Variants in DLGAP2 observed in about 807,000 individuals in gnomAD.
The protein encoded by DLGAP2 is DLG associated protein 2.
Under a neutral mutation model 100.3 loss-of-function variants are expected in DLGAP2, and 26 were observed. The observed-to-expected ratio is 0.26, with a 90% CI of 0.19 to 0.36. The LOEUF (loss-of-function observed/expected upper bound fraction) is 0.36, where lower values mean the gene tolerates loss of function less well. Ranked by LOEUF, DLGAP2 falls within the 10% of genes least tolerant of loss-of-function variation. The probability of loss-of-function intolerance (pLI) is 1.00; values close to 1 mark genes in which losing one functional copy is unlikely to be tolerated. For synonymous variants in DLGAP2, 886 were observed against 630.1 expected (o/e 1.41, Z -6.08); for missense variants, 1,858 against 1,453.2 (o/e 1.28, Z -4.53).
intron 2 of DLGAP2, among the ~76,000 whole-genome samples, chr8:1,001,237 A>T (rs191935998): frequency 1.3e-3 from 193 of 152,332 alleles, no homozygotes; most frequent in Non-Finnish European, 2.4e-3. Context: ...TGATCAGGAC[A>T]GGGTTGTACT....
At chr8:1,512,546 C>G (rs1800203471) in intron 4 of DLGAP2, among the ~76,000 whole-genome samples, 3 of 152,140 alleles carry the variant, frequency 2.0e-5, no homozygotes, top group Non-Finnish European at 2.9e-5. Context: ...GACTGACGCA[C>G]TCCCCCGAGA....
chr8:1,056,040 G>C (rs1026735250), intron 2 of DLGAP2, among the ~76,000 whole-genome samples: 1 of 152,238 alleles, frequency 6.6e-6, no homozygotes, highest in African/African-American at 2.4e-5. Context: ...AGAGCAGAGA[G>C]GGCTTGGTAG....
At chr8:1,164,343 CG>C (rs1563224530) in intron 2 of DLGAP2, among the ~76,000 whole-genome samples, 8 of 128,946 alleles carry the variant, frequency 6.2e-5, no homozygotes, top group Non-Finnish European at 5.4e-5. Context: ...TCTGTGAGCC[CG>C]CAGGGCCCGT....
chr8:1,225,926 G>A (rs1328597023), intron 2 of DLGAP2, among the ~76,000 whole-genome samples: 1 of 152,030 alleles, frequency 6.6e-6, no homozygotes, highest in East Asian at 1.9e-4. Context: ...CATGCTGTAT[G>A]CTGTAAATAT....
At chr8:1,161,612 C>T (rs62487488) in intron 2 of DLGAP2, among the ~76,000 whole-genome samples, 22,749 of 152,094 alleles carry the variant, frequency 0.15, 1,989 homozygotes, top group African/African-American at 0.23. Flanking sequence ...TGATGAGACT[C>T]GGCCCTGGAG....
intron 1 of DLGAP2, among the ~76,000 whole-genome samples, chr8:899,446 T>G (rs1563085840): frequency 1.3e-5 from 2 of 152,222 alleles, no homozygotes; most frequent in African/African-American, 2.4e-5. Context: ...CGGCCCTGCA[T>G]GCAGAGGCAT....
chr8:1,240,407 A>C (rs201365741), intron 2 of DLGAP2, among the ~76,000 whole-genome samples: 1 of 138,814 alleles, frequency 7.2e-6, no homozygotes, highest in African/African-American at 2.7e-5. Flanking sequence ...CACCATGTCT[A>C]GTTCTCTCAC....
intron 3 of DLGAP2, among the ~76,000 whole-genome samples, chr8:1,264,633 T>C (rs1799415764): frequency 6.6e-6 from 1 of 152,098 alleles, no homozygotes; most frequent in Non-Finnish European, 1.5e-5. Context: ...AATCACAAAC[T>C]ATGTACACAG....
At chr8:764,009 A>C (rs1219577154) in intron 1 of DLGAP2, among the ~76,000 whole-genome samples, 7 of 152,204 alleles carry the variant, frequency 4.6e-5, no homozygotes, top group African/African-American at 1.7e-4. Flanking sequence ...TTTCATTTTT[A>C]AGAGTCTAGT....
intron 3 of DLGAP2, among the ~76,000 whole-genome samples, chr8:1,487,183 C>T (rs1799254685): frequency 6.6e-6 from 1 of 152,202 alleles, no homozygotes; most frequent in Non-Finnish European, 1.5e-5. Flanking sequence ...ATGCCTTAGG[C>T]ATGATTGGTC....
At chr8:1,031,510 C>G (rs892118397) in intron 2 of DLGAP2, among the ~76,000 whole-genome samples, 4 of 152,076 alleles carry the variant, frequency 2.6e-5, no homozygotes, top group Non-Finnish European at 5.9e-5. Flanking sequence ...CTCCCGGGCT[C>G]AAGTGATCCT....
chr8:1,539,259 A>G (rs1563208677), intron 4 of DLGAP2, among the ~76,000 whole-genome samples: 1 of 152,232 alleles, frequency 6.6e-6, no homozygotes, highest in Admixed American at 6.5e-5. Context: ...GAGCTCAGGC[A>G]GCACATATTC....
intron 3 of DLGAP2, among the ~76,000 whole-genome samples, chr8:1,344,915 A>G (rs1304540708): frequency 1.3e-5 from 2 of 152,226 alleles, no homozygotes; most frequent in African/African-American, 4.8e-5. Flanking sequence ...CTTCCGGTCA[A>G]AGGACAGGGT....
chr8:1,275,920 AAT>A (rs1240494602), intron 3 of DLGAP2, among the ~76,000 whole-genome samples: 5 of 60,300 alleles, frequency 8.3e-5, no homozygotes, highest in East Asian at 4.9e-4. Context: ...TATATAAATA[AAT>A]ATATATAGTA....
chr8:800,893 C>T (rs865950665), intron 1 of DLGAP2, among the ~76,000 whole-genome samples: 2 of 152,132 alleles, frequency 1.3e-5, no homozygotes, highest in African/African-American at 2.4e-5. Flanking sequence ...AATCCCCGGC[C>T]GTGCTGTGTC....
intron 14 of DLGAP2, among the ~76,000 whole-genome samples, 185 bp downstream of exon 14, chr8:1,697,484 C>G (rs1799431515): frequency 6.6e-6 from 1 of 151,990 alleles, no homozygotes; most frequent in Non-Finnish European, 1.5e-5. Flanking sequence ...GTGCATGTGC[C>G]GAAAATGGGG....
At chr8:1,049,519 C>T (rs1802611949) in intron 2 of DLGAP2, among the ~76,000 whole-genome samples, 1 of 152,006 alleles carries the variant, frequency 6.6e-6, no homozygotes, top group Non-Finnish European at 1.5e-5. Context: ...TTGTGCTTTC[C>T]TTGCAATAGA....
At position 1,021,777 on chromosome 8, in the gene DLGAP2, C is replaced by G. The variant is rs190310979; in HGVS notation, c.73+113811C>G. Among the ~76,000 whole-genome samples the G allele has an allele frequency of 2.4e-3, 363 of 152,270 alleles. 4 individuals carry two copies. The highest frequency in any genetic ancestry group is 1.6e-3 in the Non-Finnish European group (110 of 68,024). On this transcript the variant is annotated intron_variant, in intron 2 of 14. Coordinates refer to ENST00000637795, the MANE Select transcript of DLGAP2 (RefSeq NM_001346810.2). ...CCATCTCCCTGTGGGACACCCCAACCCAGATGCTGTGGGGTTGGAATGTGC... is the reference window on the plus strand; with the variant it reads ...CCATCTCCCTGTGGGACACCCCAACGCAGATGCTGTGGGGTTGGAATGTGC...
rs186135629 is a variant in DLGAP2 at position 1,382,927 on chromosome 8, G to A, written c.107-118439G>A. ...ATGTATACAAAGTGTGTGTGTGCGT[G>A]TGTGTGTGTGTAGAGAGAGACCCTA... On this transcript the variant is annotated intron_variant, in intron 3 of 14. Transcript: ENST00000637795. 3.4e-3 allele frequency among the ~76,000 whole-genome samples: 521 copies of A among 151,794 alleles called. 1 individual carries two copies. The highest frequency in any genetic ancestry group is 0.012 in the African/African-American group (480 of 41,372).
Sources: gnomAD v4.1 joint callset for allele counts (sites outside exome capture counted in the v4.1 genomes callset) on GRCh38, gnomAD v4.1.1 for gene constraint, MANE v1.5 for transcripts, NCBI Gene and HGNC (gene_info 2026-07-23, HGNC 2026-07-21) for gene names.